The following GRM5 variants were observed in gnomAD, a reference collection of about 807,000 sequenced individuals.
The protein encoded by GRM5 is glutamate metabotropic receptor 5.
GRM5 carries 19 observed loss-of-function variants against 83.1 expected under a neutral mutation model. The ratio of observed to expected loss-of-function variants is 0.23; its 90% CI spans 0.16 to 0.34. The LOEUF is 0.34. Among genes scored for constraint, GRM5 ranks in the 10% least tolerant of loss-of-function variants. The probability of loss-of-function intolerance (pLI) is 1.00; values close to 1 mark genes in which losing one functional copy is unlikely to be tolerated. For synonymous variants in GRM5, 675 were observed against 633.6 expected (o/e 1.07, Z -0.98); for missense variants, 1,160 against 1,588.3 (o/e 0.73, Z 4.58).
intron 2 of GRM5, among the ~76,000 whole-genome samples, chr11:89,019,191 T>C (rs778047056): frequency 1.3e-5 from 2 of 152,208 alleles, no homozygotes; most frequent in Non-Finnish European, 1.5e-5. Flanking sequence ...TCTGATGTTT[T>C]TCTCTCAGAT....
At chr11:88,993,964 C>T (rs556757634) in intron 2 of GRM5, among the ~76,000 whole-genome samples, 21 of 152,226 alleles carry the variant, frequency 1.4e-4, no homozygotes, top group African/African-American at 4.8e-4. Flanking sequence ...GCAACTCTCT[C>T]GCTTTGGCCT....
At chr11:88,859,513 C>T (rs562797706) in intron 2 of GRM5, among the ~76,000 whole-genome samples, 1 of 151,950 alleles carries the variant, frequency 6.6e-6, no homozygotes, top group African/African-American at 2.4e-5. Context: ...TTATTAAAAC[C>T]AACCAACCTA....
At chr11:88,654,823 A>T (rs1565173644) in intron 3 of GRM5, among the ~76,000 whole-genome samples, 1 of 152,140 alleles carries the variant, frequency 6.6e-6, no homozygotes, top group South Asian at 2.1e-4. Context: ...TTGCATAAAA[A>T]ATCAGTGCCG....
chr11:88,990,675 G>T lies in GRM5; in HGVS notation c.661+56537C>A, dbSNP rs1357611276. On this transcript the variant is annotated intron_variant, in intron 2 of 9. Coordinates refer to ENST00000305447, the MANE Select transcript of GRM5 (RefSeq NM_001143831.3). ...AAAGCTTATCCACCATGATCAAGTG[G>T]GCTTCATCCCTGGGATGCAAGGCTG... is the stretch of plus-strand genomic sequence containing the variant. Among the ~76,000 whole-genome samples, 10 of 150,624 alleles carry T rather than the reference G, an allele frequency of 6.6e-5. No individual in the cohort carries two copies. In the South Asian group the frequency reaches 2.1e-3, roughly 32 times the overall value.
At chr11:88,766,780 G>T in intron 3 of GRM5, among the ~76,000 whole-genome samples, 1 of 151,926 alleles carries the variant, frequency 6.6e-6, no homozygotes, top group South Asian at 2.1e-4. Flanking sequence ...CAGAATGGAA[G>T]AAAATATTTG....
chr11:88,820,607 G>C (rs746283423), intron 3 of GRM5, among the ~76,000 whole-genome samples: 2 of 152,142 alleles, frequency 1.3e-5, no homozygotes, highest in African/African-American at 4.8e-5. Context: ...GCCTCTCAGA[G>C]CACTGAATTG....
chr11:88,997,509 TA>T (rs1203052082), intron 2 of GRM5, among the ~76,000 whole-genome samples: 1 of 151,616 alleles, frequency 6.6e-6, no homozygotes. Flanking sequence ...TTACTTCATT[TA>T]AAAAAATCAG....
Position 88,733,254 on chromosome 11 carries a change from T to C in GRM5, c.912-79851A>G, listed in dbSNP as rs547815642. On this transcript the variant is annotated intron_variant, in intron 3 of 9. Transcript: ENST00000305447. ...CCAGCATCTAAGATAATATCTTGAG[T>C]ATAACAGCTGCCAATTAAAAAGAGT... Among the ~76,000 whole-genome samples the C allele has an allele frequency of 3.3e-5, 5 of 152,146 alleles. No individual in the cohort carries two copies. The South Asian group carries it at 8.3e-4, about 25-fold the overall frequency.
intron 2 of GRM5, among the ~76,000 whole-genome samples, chr11:88,898,634 T>C (rs542909808): frequency 5.1e-4 from 77 of 151,128 alleles, no homozygotes; most frequent in Non-Finnish European, 7.2e-4. Flanking sequence ...GTGTCATATA[T>C]ACACACACAC....
At chr11:88,597,970 G>GT (rs778195521) in intron 5 of GRM5, among the ~76,000 whole-genome samples, 13 of 152,192 alleles carry the variant, frequency 8.5e-5, no homozygotes, top group Non-Finnish European at 1.5e-4. Context: ...GCTAGCTATT[G>GT]TTTTTTGAGT....
intron 3 of GRM5, among the ~76,000 whole-genome samples, chr11:88,789,097 G>A (rs1222379614): frequency 6.6e-6 from 1 of 152,144 alleles, no homozygotes. Context: ...CTAAAAATTA[G>A]GAGAATCGTG....
At chr11:88,891,563 A>G in intron 2 of GRM5, among the ~76,000 whole-genome samples, 1 of 128,880 alleles carries the variant, frequency 7.8e-6, no homozygotes, top group South Asian at 2.8e-4. Context: ...TGTGAATAAT[A>G]CCAATATATG....
intron 2 of GRM5, among the ~76,000 whole-genome samples, chr11:89,036,481 C>A (rs981423900): frequency 6.6e-6 from 1 of 151,968 alleles, no homozygotes; most frequent in African/African-American, 2.4e-5. Context: ...AGGTTCTTGG[C>A]AGGAAAATTT....
chr11:89,061,710 G>T (rs537993587), intron 1 of GRM5, among the ~76,000 whole-genome samples: 13 of 152,116 alleles, frequency 8.5e-5, no homozygotes, highest in Non-Finnish European at 1.8e-4. Flanking sequence ...GATAGTAAAG[G>T]CCTGTGTCTA....
At chr11:88,905,750 A>T (rs1590953898) in intron 2 of GRM5, among the ~76,000 whole-genome samples, 2 of 152,132 alleles carry the variant, frequency 1.3e-5, no homozygotes, top group African/African-American at 4.8e-5. Context: ...TGCAAAGCTC[A>T]TTTTGAAAGA....
At chr11:88,997,393 C>T (rs1184447614) in intron 2 of GRM5, among the ~76,000 whole-genome samples, 1 of 148,902 alleles carries the variant, frequency 6.7e-6, no homozygotes, top group Non-Finnish European at 1.5e-5. Context: ...GCATGACTTT[C>T]CACCTCAAAA....
chr11:88,616,954 A>T (rs1044700297), intron 4 of GRM5, among the ~76,000 whole-genome samples: 1 of 152,036 alleles, frequency 6.6e-6, no homozygotes, highest in Non-Finnish European at 1.5e-5. Context: ...CTAGCATAGC[A>T]CCTGACACAC....
chr11:88,981,337 ACAT>A (rs1215884347), intron 2 of GRM5, among the ~76,000 whole-genome samples: 4 of 152,222 alleles, frequency 2.6e-5, no homozygotes, highest in African/African-American at 9.6e-5. Context: ...ATTCAATGAA[ACAT>A]CAATATGTAC....
chr11:89,024,068 T>C (rs1941064017), intron 2 of GRM5, among the ~76,000 whole-genome samples: 2 of 151,450 alleles, frequency 1.3e-5, no homozygotes, highest in African/African-American at 2.4e-5. Context: ...ATACAAAAAT[T>C]AGTTGGGCGT....
Sources: gnomAD v4.1 joint callset for allele counts (sites outside exome capture counted in the v4.1 genomes callset) on GRCh38, gnomAD v4.1.1 for gene constraint, MANE v1.5 for transcripts, NCBI Gene and HGNC (gene_info 2026-07-23, HGNC 2026-07-21) for gene names.